The following PARM1 variants were observed in gnomAD, a reference collection of about 807,000 sequenced individuals.
PARM1 encodes the protein prostate androgen-regulated mucin-like protein 1.
PARM1 carries 14 observed loss-of-function variants against 24.6 expected under a neutral mutation model. The observed-to-expected ratio is 0.57, with a 90% CI of 0.38 to 0.89. PARM1 has a LOEUF of 0.89. Ranked by LOEUF, PARM1 falls within the 40% of genes least tolerant of loss-of-function variation. The pLI, the probability that PARM1 is intolerant of heterozygous loss-of-function variation, is 0.00. For synonymous variants in PARM1, 179 were observed against 156.6 expected (o/e 1.14, Z -1.07); for missense variants, 362 against 380.4 (o/e 0.95, Z 0.40).
At chr4:74,945,004 C>T (rs2109982151) in intron 1 of PARM1, among the ~76,000 whole-genome samples, 1 of 152,232 alleles carries the variant, frequency 6.6e-6, no homozygotes, top group African/African-American at 2.4e-5. Context: ...CAATAATGAG[C>T]TGGTCAGATA....
At chr4:74,964,282 G>A (rs1474958694) in intron 1 of PARM1, among the ~76,000 whole-genome samples, 1 of 152,190 alleles carries the variant, frequency 6.6e-6, no homozygotes, top group African/African-American at 2.4e-5. Context: ...CTGGAGAACA[G>A]CATTCACAAT....
intron 1 of PARM1, among the ~76,000 whole-genome samples, chr4:74,983,077 T>G (rs530555412): frequency 6.6e-6 from 1 of 152,174 alleles, no homozygotes; most frequent in Non-Finnish European, 1.5e-5. Context: ...CTCAGAGTCT[T>G]ATACTAAGTT....
chr4:75,045,727 A>ATT (rs1723589264), intron 3 of PARM1, among the ~76,000 whole-genome samples: 1 of 152,230 alleles, frequency 6.6e-6, no homozygotes, highest in Non-Finnish European at 1.5e-5. Flanking sequence ...TTATAAGACA[A>ATT]TATAAATGTC....
At chr4:74,989,926 G>A (rs1722433656) in intron 1 of PARM1, among the ~76,000 whole-genome samples, 1 of 152,168 alleles carries the variant, frequency 6.6e-6, no homozygotes, top group Non-Finnish European at 1.5e-5. Context: ...GATTGTATTG[G>A]TGGCCTCATC....
At chr4:75,033,817 C>T (rs1178422463) in intron 2 of PARM1, 66 bp from the exon 3 acceptor site, 7 of 1,350,428 alleles carry the variant, frequency 5.2e-6, no homozygotes, top group East Asian at 2.6e-5. Flanking sequence ...ATACTACGCA[C>T]GCCAAAGTCA....
Position 75,046,472 on chromosome 4 carries a change from A to G in PARM1, c.*225A>G. 1 of 448,160 alleles carries G rather than the reference A, an allele frequency of 2.2e-6. No individual in the cohort carries two copies. Among genetic ancestry groups the G allele is most frequent in the Non-Finnish European group, 4.1e-6 (1 of 244,570 alleles). 27.8% of individuals were successfully genotyped at this position (448,160 alleles called of 1,614,324 possible). A position where few individuals can be genotyped will look rare whatever the true frequency, so the allele number is the denominator to read the frequency against. On this transcript the variant is annotated 3_prime_UTR_variant, in exon 4 of 4. Transcript: ENST00000307428. ...TGAGTGGAGGCTGATTTGCAGCTGA[A>G]GTGGGCCAGCCTTGCACCAGCCAGG... is the stretch of plus-strand genomic sequence containing the variant.
chr4:75,031,428 G>A (rs1723275777), intron 2 of PARM1, among the ~76,000 whole-genome samples: 2 of 152,042 alleles, frequency 1.3e-5, no homozygotes, highest in Non-Finnish European at 2.9e-5. Flanking sequence ...GGACATGGAA[G>A]GGTGACATGG....
intron 1 of PARM1, among the ~76,000 whole-genome samples, chr4:74,941,803 T>C (rs1721315333): frequency 6.6e-6 from 1 of 152,204 alleles, no homozygotes; most frequent in Non-Finnish European, 1.5e-5. Context: ...GAGGGCAAAG[T>C]GGTCTGGGGT....
chr4:75,004,204 G>A (rs1722730775), intron 1 of PARM1, among the ~76,000 whole-genome samples: 1 of 152,164 alleles, frequency 6.6e-6, no homozygotes, highest in Admixed American at 6.5e-5. Context: ...TGTTTTCAAA[G>A]GGTAGAAAAT....
At chr4:74,975,713 A>T (rs1015876567) in intron 1 of PARM1, among the ~76,000 whole-genome samples, 4 of 152,226 alleles carry the variant, frequency 2.6e-5, no homozygotes, top group Non-Finnish European at 5.9e-5. Context: ...CAATGGCTTG[A>T]GTTTAATTTT....
At chr4:74,934,996 C>CTTTTTTTTTTTTTTT (rs11392364) in intron 1 of PARM1, among the ~76,000 whole-genome samples, 4 of 116,542 alleles carry the variant, frequency 3.4e-5, no homozygotes, top group Non-Finnish European at 6.8e-5. Context: ...GCTCTTTTTT[C>CTTTTTTTTTTTTTTT]TTTTTTTTTT....
intron 1 of PARM1, among the ~76,000 whole-genome samples, chr4:74,971,300 A>G (rs1279863831): frequency 6.6e-6 from 1 of 152,086 alleles, no homozygotes; most frequent in Non-Finnish European, 1.5e-5. Flanking sequence ...ATCTTGTGAG[A>G]TTTATTCACT....
At chr4:74,988,807 A>C (rs1217409296) in intron 1 of PARM1, among the ~76,000 whole-genome samples, 1 of 152,212 alleles carries the variant, frequency 6.6e-6, no homozygotes, top group Non-Finnish European at 1.5e-5. Flanking sequence ...CATAGATTTA[A>C]ACAGGCAAAA....
intron 1 of PARM1, chr4:74,967,838 A>G (rs934140259): frequency 5.9e-5 from 9 of 152,220 alleles, no homozygotes; most frequent in African/African-American, 1.4e-4. Flanking sequence ...TGTAACCATT[A>G]TTAATAAGCA....
intron 1 of PARM1, among the ~76,000 whole-genome samples, chr4:74,981,471 A>G (rs756315216): frequency 1.3e-5 from 2 of 152,218 alleles, no homozygotes; most frequent in Admixed American, 6.5e-5. Flanking sequence ...TAAAAGGTCA[A>G]GAAACGACAG....
chr4:74,934,617 G>A, intron 1 of PARM1, among the ~76,000 whole-genome samples: 1 of 152,270 alleles, frequency 6.6e-6, no homozygotes, highest in East Asian at 1.9e-4. Flanking sequence ...TCCGCGGACA[G>A]TTCCCGAATA....
intron 2 of PARM1, among the ~76,000 whole-genome samples, chr4:75,018,740 G>A (rs774173884): frequency 3.9e-5 from 6 of 152,310 alleles, no homozygotes; most frequent in African/African-American, 7.2e-5. Context: ...TCCTCAGAAC[G>A]TTCCAGTGGT....
At chr4:74,970,856 G>A (rs556177928) in intron 1 of PARM1, among the ~76,000 whole-genome samples, 1 of 152,214 alleles carries the variant, frequency 6.6e-6, no homozygotes, top group Non-Finnish European at 1.5e-5. Flanking sequence ...GCAATATAGA[G>A]TTGTGGGAGC....
rs1723650094 is a variant in PARM1, at chr4:75,048,298, G to A, written c.*2051G>A. 6.6e-6 allele frequency: 1 copy of A among 152,198 alleles called. No homozygotes were observed. Among genetic ancestry groups the A allele is most frequent in the South Asian group, 2.1e-4 (1 of 4,822 alleles). The allele number at this position is 152,198 out of a possible 1,614,324, so 9.4% of individuals were successfully genotyped here. On this transcript the variant is annotated 3_prime_UTR_variant, in exon 4 of 4. Transcript: ENST00000307428. Reference sequence around the variant, plus strand: ...GTATTTTACAACCAGAGTGGGTAATGAGGAGGGGGCTTACTGGAATCGTCA... The same window carrying A: ...GTATTTTACAACCAGAGTGGGTAATAAGGAGGGGGCTTACTGGAATCGTCA...
Sources: gnomAD v4.1 joint callset for allele counts (sites outside exome capture counted in the v4.1 genomes callset) on GRCh38, gnomAD v4.1.1 for gene constraint, MANE v1.5 for transcripts, NCBI Gene and HGNC (gene_info 2026-07-23, HGNC 2026-07-21) for gene names.